The following MED12L variants were observed in gnomAD, a reference collection of about 807,000 sequenced individuals.
MED12L encodes mediator of RNA polymerase II transcription subunit 12-like protein.
MED12L carries 60 observed loss-of-function variants against 281.3 expected under a neutral mutation model. The observed-to-expected ratio is 0.21, with a 90% CI of 0.17 to 0.26. The LOEUF (loss-of-function observed/expected upper bound fraction) is 0.26, where lower values mean the gene tolerates loss of function less well. Ranked by LOEUF, MED12L falls within the 10% of genes least tolerant of loss-of-function variation. MED12L has a pLI of 1.00. For missense variants in MED12L, 2,146 were observed against 2,680.9 expected (o/e 0.80, Z 4.41); for synonymous variants, 974 against 987.2 (o/e 0.99, Z 0.25).
intron 16 of MED12L, chr3:151,248,958 G>A (rs1036630855): frequency 2.0e-5 from 3 of 152,176 alleles, no homozygotes; most frequent in African/African-American, 7.2e-5. Flanking sequence ...TTTGCTCTCT[G>A]CTGGACTGCT....
At chr3:151,140,443 GCTGATTTACAGAAACTTTAAAAAGTT>G (rs1187059675) in intron 5 of MED12L, among the ~76,000 whole-genome samples, 3 of 152,106 alleles carry the variant, frequency 2.0e-5, no homozygotes, top group Non-Finnish European at 4.4e-5. Context: ...ATCATACTTT[GCTGATTTACAGAAACTTTAAAAAGTT>G]CTAATCAAGT....
At chr3:151,390,164 A>AGAGAT in intron 38 of MED12L, 29 bp downstream of exon 38, 1 of 1,609,012 alleles carries the variant, frequency 6.2e-7, no homozygotes, top group Admixed American at 1.7e-5. Flanking sequence ...CAGATCACTC[A>AGAGAT]GAGATGAGAA....
At chr3:151,200,951 C>T (rs1290834350) in intron 16 of MED12L, 3 of 152,164 alleles carry the variant, frequency 2.0e-5, no homozygotes, top group African/African-American at 7.2e-5. Context: ...AGGATTCCAG[C>T]TCAGTCAGTC....
At chr3:151,430,185 T>A (rs1719318071) in intron 43 of MED12L, 114 bp from the exon 44 acceptor site, 1 of 1,464,862 alleles carries the variant, frequency 6.8e-7, no homozygotes, top group Non-Finnish European at 9.2e-7. Context: ...ATAGCCCTTT[T>A]TTCGTGAAGT....
At chr3:151,213,543 CTT>C (rs763417485) in intron 16 of MED12L, 11 of 1,614,176 alleles carry the variant, frequency 6.8e-6, no homozygotes, top group Admixed American at 1.7e-5. Context: ...CGGTCTGACT[CTT>C]TGTGTAGGGG....
At chr3:151,089,623 T>C (rs1719756995) in intron 2 of MED12L, among the ~76,000 whole-genome samples, 1 of 125,990 alleles carries the variant, frequency 7.9e-6, no homozygotes. Context: ...AGAAAAGGGC[T>C]CCCAGAAGGT....
intron 16 of MED12L, among the ~76,000 whole-genome samples, chr3:151,322,996 C>G (rs1353829542): frequency 2.0e-5 from 3 of 152,322 alleles, no homozygotes; most frequent in African/African-American, 7.2e-5. Flanking sequence ...ATGGAACATA[C>G]CCCAAATCCA....
intron 16 of MED12L, among the ~76,000 whole-genome samples, chr3:151,269,018 C>T (rs1740357107): frequency 3.3e-5 from 5 of 152,160 alleles, no homozygotes; most frequent in Admixed American, 2.6e-4. Context: ...AAGACTACTT[C>T]CTGCTCTGAG....
intron 5 of MED12L, among the ~76,000 whole-genome samples, chr3:151,152,235 G>T (rs533569630): frequency 1.3e-5 from 2 of 151,828 alleles, no homozygotes; most frequent in East Asian, 3.9e-4. Flanking sequence ...GAGCAGCTGG[G>T]ACTATAGGTG....
At chr3:151,195,031 C>T (rs371316790) in intron 16 of MED12L, among the ~76,000 whole-genome samples, 154 of 152,156 alleles carry the variant, frequency 1.0e-3, no homozygotes, top group African/African-American at 3.4e-3. Flanking sequence ...GGCCTGGTGG[C>T]GGGCGCCTGT....
chr3:151,164,105 T>C, intron 9 of MED12L, 63 bp downstream of exon 9: 3 of 1,566,216 alleles, frequency 1.9e-6, no homozygotes, highest in Non-Finnish European at 2.6e-6. Context: ...CAGGGCACAG[T>C]GGGTCAAGCA....
chr3:151,274,595 G>T (rs539876612), intron 16 of MED12L, among the ~76,000 whole-genome samples: 4 of 152,328 alleles, frequency 2.6e-5, no homozygotes, highest in African/African-American at 9.6e-5. Flanking sequence ...ATCTGTACAT[G>T]CAGGGCTATC....
chr3:151,338,358 G>T, intron 16 of MED12L: 1 of 1,614,086 alleles, frequency 6.2e-7, no homozygotes, highest in Non-Finnish European at 8.5e-7. Context: ...CTGCCTGTTG[G>T]TCAGAATCAT....
In MED12L at chr3:151,384,441, A is replaced by AT. The variant is rs574289490; in HGVS notation, c.4926+229dup. 6.6e-5 allele frequency among the ~76,000 whole-genome samples: 10 copies of AT among 152,300 alleles called. No homozygotes were observed. In the South Asian group the frequency reaches 1.9e-3, roughly 28 times the overall value. On this transcript the variant is annotated intron_variant, in intron 35 of 44. Transcript: ENST00000687756. ...ACAATTACATTATAAAACATGTTTA[A>AT]TTTTTTAAAGAACTTTAGAAATCCA...
At chr3:151,321,850 C>T (rs1362336628) in intron 16 of MED12L, among the ~76,000 whole-genome samples, 2 of 152,154 alleles carry the variant, frequency 1.3e-5, no homozygotes, top group Non-Finnish European at 2.9e-5. Flanking sequence ...TCCATTCCTA[C>T]CATTTTCTCT....
At chr3:151,171,837 G>A (rs1038492479) in intron 11 of MED12L, among the ~76,000 whole-genome samples, 3 of 152,190 alleles carry the variant, frequency 2.0e-5, no homozygotes, top group African/African-American at 7.2e-5. Flanking sequence ...TGCTGGGCTT[G>A]TTCCACATTT....
chr3:151,270,166 A>C (rs10935831), intron 16 of MED12L: 51,303 of 182,956 alleles, frequency 0.28, 7,611 homozygotes, highest in South Asian at 0.31. Context: ...CCTTTTTAAA[A>C]ATTTTCTCCA....
chr3:151,143,045 C>T (rs1170872541), intron 5 of MED12L, among the ~76,000 whole-genome samples: 3 of 152,082 alleles, frequency 2.0e-5, no homozygotes, highest in African/African-American at 7.2e-5. Context: ...AAGCAAATAG[C>T]TTTAATTAAA....
rs766252052 is a variant in MED12L at position 151,360,611 on chromosome 3, T to C, written c.2957+6T>C. 101 of 1,606,928 alleles carry C rather than the reference T, an allele frequency of 6.3e-5. 1 individual carries two copies. The South Asian group carries it at 1.1e-3, about 18-fold the overall frequency. ...AAATTTGGAGACCTCTTCAGGTGAGTAGAAGAGACTCAAAAGGACAGAAAT... is the reference window on the plus strand; with the variant it reads ...AAATTTGGAGACCTCTTCAGGTGAGCAGAAGAGACTCAAAAGGACAGAAAT... On this transcript the variant is annotated splice_donor_region_variant and intron_variant, in intron 21 of 44. Transcript: ENST00000687756.
Sources: allele counts gnomAD v4.1 joint callset (sites outside exome capture counted in the v4.1 genomes callset), GRCh38; gene constraint gnomAD v4.1.1; transcripts MANE v1.5; gene names NCBI Gene and HGNC (gene_info 2026-07-23, HGNC 2026-07-21).